Variants in ZNF875 observed in about 807,000 individuals in gnomAD.
The protein encoded by ZNF875 is HKR1, GLI-Kruppel zinc finger family member.
A neutral mutation model predicts 11.2 loss-of-function variants in ZNF875; 14 were observed. That is an observed-to-expected ratio of 1.26 (90% CI 0.83 to 1.96). The LOEUF is 1.96. ZNF875 is among the 30% of genes most tolerant of loss of function. ZNF875 has a pLI of 0.00. For synonymous variants in ZNF875, 301 were observed against 281.1 expected (o/e 1.07, Z -0.71); for missense variants, 752 against 760.4 (o/e 0.99, Z 0.13).
At chr19:37,319,292 C>T (rs1254700034) in intron 1 of ZNF875, among the ~76,000 whole-genome samples, 8 of 145,430 alleles carry the variant, frequency 5.5e-5, no homozygotes, top group African/African-American at 7.8e-5. Flanking sequence ...GTGATCCGCC[C>T]GCCTGGGCCT....
At chr19:37,321,420 T>G (rs554661702) in intron 1 of ZNF875, among the ~76,000 whole-genome samples, 1 of 152,050 alleles carries the variant, frequency 6.6e-6, no homozygotes, top group Non-Finnish European at 1.5e-5. Flanking sequence ...GATATTCACA[T>G]GTTTTCCTGC....
At chr19:37,347,581 A>T in intron 3 of ZNF875, 196 bp from the exon 4 acceptor site, 1 of 607,190 alleles carries the variant, frequency 1.6e-6, no homozygotes, top group East Asian at 2.8e-5. Context: ...GAAATTTTTC[A>T]TACACCAAGT....
At chr19:37,318,841 G>T (rs761629679) in intron 1 of ZNF875, among the ~76,000 whole-genome samples, 7 of 151,778 alleles carry the variant, frequency 4.6e-5, no homozygotes, top group Non-Finnish European at 1.0e-4. Flanking sequence ...TATTTCTTGT[G>T]GAAAATTTCT....
chr19:37,327,340 T>C (rs550165304), intron 4 of ZNF875, among the ~76,000 whole-genome samples: 1 of 152,314 alleles, frequency 6.6e-6, no homozygotes, highest in Non-Finnish European at 1.5e-5. Context: ...ATGTTTCTAC[T>C]TGATTTTTAA....
upstream of ZNF875, among the ~76,000 whole-genome samples, chr19:37,314,592 A>T (rs1599836335): frequency 6.6e-6 from 1 of 151,976 alleles, no homozygotes; most frequent in East Asian, 1.9e-4. Context: ...TGGGAGGAAA[A>T]GGTGGGGGAC....
intron 2 of ZNF875, among the ~76,000 whole-genome samples, chr19:37,342,208 G>A (rs751736925): frequency 5.3e-5 from 8 of 152,080 alleles, no homozygotes; most frequent in Non-Finnish European, 1.0e-4. Flanking sequence ...CTTTTGATTC[G>A]AACTTTACTC....
chr19:37,341,991 A>G (rs866963269), intron 2 of ZNF875, among the ~76,000 whole-genome samples: 2 of 152,218 alleles, frequency 1.3e-5, no homozygotes, highest in South Asian at 2.1e-4. Flanking sequence ...TGAAAGCTCT[A>G]TGGGTTTCCC....
chr19:37,345,454 A>C (rs115145403), intron 2 of ZNF875, among the ~76,000 whole-genome samples: 3,758 of 152,264 alleles, frequency 0.025, 178 homozygotes, highest in African/African-American at 0.085. Flanking sequence ...ACAGTGTGGA[A>C]TTAGTTTTAG....
At chr19:37,342,655 G>A (rs770022697) in intron 2 of ZNF875, among the ~76,000 whole-genome samples, 1 of 151,990 alleles carries the variant, frequency 6.6e-6, no homozygotes, top group Non-Finnish European at 1.5e-5. Context: ...TGGGTGATGC[G>A]CCTGCCTCGG....
intron 2 of ZNF875, chr19:37,344,713 T>A: frequency 1.2e-6 from 2 of 1,613,974 alleles, no homozygotes; most frequent in Non-Finnish European, 1.7e-6. Flanking sequence ...GTGTCTACAA[T>A]GCTCCCTACA....
chr19:37,353,186 T>C (rs2038251306), intron 4 of ZNF875, among the ~76,000 whole-genome samples: 1 of 152,224 alleles, frequency 6.6e-6, no homozygotes, highest in East Asian at 1.9e-4. Context: ...TTTTTCGATC[T>C]TCATGTTAAT....
At chr19:37,349,330 A>G (rs183314926) in intron 4 of ZNF875, among the ~76,000 whole-genome samples, 1 of 152,122 alleles carries the variant, frequency 6.6e-6, no homozygotes, top group Non-Finnish European at 1.5e-5. Flanking sequence ...ACCTATAGCA[A>G]TTGCTTACAC....
chr19:37,350,157 G>T, intron 4 of ZNF875, among the ~76,000 whole-genome samples: 1 of 140,126 alleles, frequency 7.1e-6, no homozygotes. Flanking sequence ...CTGTTGCCAG[G>T]CTGGAGTGCA....
chr19:37,363,723 G>A lies in ZNF875; in HGVS notation c.1871G>A (p.Gly624Asp), dbSNP rs1224409965. 6.2e-7 allele frequency: 1 copy of A among 1,613,948 alleles called. No homozygotes were observed. Among genetic ancestry groups the A allele is most frequent in the Non-Finnish European group, 8.5e-7 (1 of 1,179,938 alleles). ...KPYICRKCGR[G>D]FSRKSNLIRH... ...TATATTTGCAGAAAGTGTGGACGGG[G>A]CTTTAGTCGGAAGTCCAACCTTATC... is the stretch of plus-strand genomic sequence containing the variant. Residue 624 changes from glycine (G) to aspartate (D), a missense_variant, in exon 5 of 5, where the codon GGC becomes GAC. Gly to Asp is a moderately conservative substitution (Grantham distance 94). Coordinates refer to ENST00000392153, the MANE Select transcript of ZNF875 (RefSeq NM_001353803.2).
At chr19:37,314,938 T>C (rs2030121007), upstream of ZNF875, 1 of 152,060 alleles carries the variant, frequency 6.6e-6, no homozygotes, top group Non-Finnish European at 1.5e-5. Context: ...AGTGTAAAAT[T>C]CAACGGTTTT....
upstream of ZNF875, among the ~76,000 whole-genome samples, chr19:37,332,623 G>T (rs796623957): frequency 2.0e-5 from 3 of 152,216 alleles, no homozygotes; most frequent in Non-Finnish European, 4.4e-5. Flanking sequence ...GCTTCTTCCA[G>T]TGTATTTTCT....
Position 37,362,969 on chromosome 19 carries a change from C to T in ZNF875, c.1117C>T (p.Arg373Cys), listed in dbSNP as rs759877031. 4.3e-5 allele frequency: 69 copies of T among 1,614,008 alleles called. No individual in the cohort carries two copies. Among genetic ancestry groups the T allele is most frequent in the East Asian group, 2.5e-4 (11 of 44,888 alleles). Reference protein sequence around the residue: ...EKPYVCRECGRGFRQHSHLVR... With the variant: ...EKPYVCRECGCGFRQHSHLVR... Reference sequence around the variant, plus strand: ...GCCTTATGTTTGCAGGGAATGTGGGCGTGGCTTTCGCCAGCATTCACACCT... The same window carrying T: ...GCCTTATGTTTGCAGGGAATGTGGGTGTGGCTTTCGCCAGCATTCACACCT... The change falls in exon 5 of 5, where the codon CGT becomes TGT. Residue 373 changes from arginine (R) to cysteine (C), a missense_variant. Arg to Cys is a radical substitution (Grantham distance 180). Coordinates refer to ENST00000392153, the MANE Select transcript of ZNF875 (RefSeq NM_001353803.2).
chr19:37,356,533 T>C (rs1050818308), intron 4 of ZNF875, among the ~76,000 whole-genome samples: 16 of 152,170 alleles, frequency 1.1e-4, no homozygotes, highest in Non-Finnish European at 2.1e-4. Flanking sequence ...CCTTCACTGG[T>C]ACCAAGATCT....
upstream of ZNF875, among the ~76,000 whole-genome samples, chr19:37,313,961 C>G (rs2030071343): frequency 1.3e-5 from 2 of 152,020 alleles, no homozygotes; most frequent in South Asian, 4.1e-4. Context: ...ATTCACAATT[C>G]TTATAACTCA....
Sources: gnomAD v4.1 joint callset for allele counts (sites outside exome capture counted in the v4.1 genomes callset) on GRCh38, gnomAD v4.1.1 for gene constraint, MANE v1.5 for transcripts, NCBI Gene and HGNC (gene_info 2026-07-23, HGNC 2026-07-21) for gene names.